WWOX: variants seen among roughly 807,000 people sequenced by gnomAD.
WWOX encodes the protein WW domain containing oxidoreductase, also known as WW domain-containing oxidoreductase.
In WWOX, 69 loss-of-function variants were observed where a neutral mutation model predicts 46.2. That is an observed-to-expected ratio of 1.49 (90% CI 1.23 to 1.82). The LOEUF (loss-of-function observed/expected upper bound fraction) is 1.82. Ranked by LOEUF, WWOX falls within the 40% of genes most tolerant of loss-of-function variation. The pLI is 0.00. For missense variants in WWOX, 919 were observed against 542.6 expected (o/e 1.69, Z -6.89); for synonymous variants, 359 against 202.6 (o/e 1.77, Z -6.56).
intron 8 of WWOX, among the ~76,000 whole-genome samples, chr16:79,135,292 T>A (rs2049961888): frequency 6.6e-6 from 1 of 152,216 alleles, no homozygotes; most frequent in Non-Finnish European, 1.5e-5. Flanking sequence ...TACATGTATG[T>A]CTTGATTTAT....
intron 5 of WWOX, among the ~76,000 whole-genome samples, chr16:78,183,930 C>T (rs1597322893): frequency 6.6e-6 from 1 of 152,206 alleles, no homozygotes; most frequent in East Asian, 1.9e-4. Flanking sequence ...AAAATTGAAT[C>T]ATTCTCTGTG....
rs567903947 is a variant in WWOX at position 78,176,850 on chromosome 16, C to G, written c.516+12561C>G. Among the ~76,000 whole-genome samples the G allele has an allele frequency of 4.4e-4, 67 of 152,116 alleles. 1 individual carries two copies. Among genetic ancestry groups the G allele is most frequent in the African/African-American group, 1.6e-3 (65 of 41,516 alleles). On this transcript the variant is annotated intron_variant, in intron 5 of 8. Coordinates refer to ENST00000566780, the MANE Select transcript of WWOX (RefSeq NM_016373.4). ...GGCAGGAAGGGTGCTATTTTTAAGG[C>G]AGGGAAGGATAGGATGCATTTGCAG...
chr16:78,606,096 A>G (rs1021173251), intron 8 of WWOX, among the ~76,000 whole-genome samples: 27 of 152,228 alleles, frequency 1.8e-4, no homozygotes, highest in Admixed American at 1.6e-3. Flanking sequence ...GTTTACGCTT[A>G]ACATTTATGG....
At chr16:78,790,488 G>A (rs948731950) in intron 8 of WWOX, among the ~76,000 whole-genome samples, 1 of 152,100 alleles carries the variant, frequency 6.6e-6, no homozygotes, top group African/African-American at 2.4e-5. Flanking sequence ...CTCTAGAAAA[G>A]TCAGAAGGTC....
intron 8 of WWOX, among the ~76,000 whole-genome samples, chr16:78,590,492 G>T (rs1473669314): frequency 6.6e-6 from 1 of 152,334 alleles, no homozygotes; most frequent in Non-Finnish European, 1.5e-5. Context: ...CCCAGTTGGG[G>T]AAGAGGGAAA....
intron 8 of WWOX, among the ~76,000 whole-genome samples, chr16:78,765,017 A>G (rs1305104433): frequency 6.6e-6 from 1 of 152,220 alleles, no homozygotes; most frequent in Non-Finnish European, 1.5e-5. Flanking sequence ...AAGGAACAGG[A>G]CAAGAACCCA....
intron 8 of WWOX, among the ~76,000 whole-genome samples, chr16:78,720,715 A>C (rs932273813): frequency 6.6e-6 from 1 of 152,038 alleles, no homozygotes; most frequent in Admixed American, 6.6e-5. Context: ...CGTGGTTTAC[A>C]CTATAAATTT....
intron 5 of WWOX, among the ~76,000 whole-genome samples, chr16:78,378,404 GA>G (rs2081879430): frequency 6.6e-6 from 1 of 152,122 alleles, no homozygotes; most frequent in Non-Finnish European, 1.5e-5. Context: ...GACTAAGAGA[GA>G]AAAGAATCAC....
intron 8 of WWOX, among the ~76,000 whole-genome samples, chr16:78,567,046 T>A (rs1023045937): frequency 6.6e-6 from 1 of 152,210 alleles, no homozygotes; most frequent in Admixed American, 6.5e-5. Context: ...ATTCATTATT[T>A]GTTAATCCCA....
intron 8 of WWOX, among the ~76,000 whole-genome samples, chr16:78,617,269 G>A (rs1039236994): frequency 2.0e-5 from 3 of 152,006 alleles, no homozygotes; most frequent in African/African-American, 7.3e-5. Flanking sequence ...GGGCGTGGTG[G>A]CGTGCACCTG....
chr16:78,317,865 C>G (rs1182398765), intron 5 of WWOX, among the ~76,000 whole-genome samples: 1 of 152,186 alleles, frequency 6.6e-6, no homozygotes, highest in Non-Finnish European at 1.5e-5. Flanking sequence ...TTCATTTTCA[C>G]TCCCCGTAAA....
chr16:79,002,766 A>C (rs1044698457), intron 8 of WWOX, among the ~76,000 whole-genome samples: 2 of 152,150 alleles, frequency 1.3e-5, no homozygotes, highest in African/African-American at 4.8e-5. Context: ...CCTGTCTATA[A>C]GGGGAAAAGA....
In WWOX at chr16:78,099,788, C is replaced by G. The variant is rs751733610; in HGVS notation, c.10C>G (p.Leu4Val). The change falls in exon 1 of 9, where the codon CTG becomes GTG. Residue 4 changes from leucine (L) to valine (V), a missense_variant. Transcript: ENST00000566780. MAA[L>V]RYAGLDDTDS... ...GCCTCCACAGTCAGCCATGGCAGCGCTGCGCTACGCGGGGCTGGACGACAC... is the reference window on the plus strand; with the variant it reads ...GCCTCCACAGTCAGCCATGGCAGCGGTGCGCTACGCGGGGCTGGACGACAC... 2.1e-5 allele frequency: 33 copies of G among 1,557,606 alleles called. No homozygotes were observed. Among genetic ancestry groups the G allele is most frequent in the Non-Finnish European group, 2.9e-5 (33 of 1,153,350 alleles).
At chr16:78,656,168 T>TTG (rs905723433) in intron 8 of WWOX, among the ~76,000 whole-genome samples, 85 of 152,016 alleles carry the variant, frequency 5.6e-4, no homozygotes, top group African/African-American at 1.9e-3. Context: ...CTCATAACAT[T>TTG]TGTGTGTGTG....
chr16:78,182,409 C>T (rs943067481), intron 5 of WWOX, among the ~76,000 whole-genome samples: 1 of 151,978 alleles, frequency 6.6e-6, no homozygotes. Context: ...CTAAACCTTC[C>T]TGTCTCTCTG....
intron 8 of WWOX, among the ~76,000 whole-genome samples, chr16:78,693,574 G>A (rs2048035969): frequency 6.6e-6 from 1 of 152,000 alleles, no homozygotes; most frequent in African/African-American, 2.4e-5. Context: ...TCAGGTGGGG[G>A]GCCCTCCTCT....
intron 8 of WWOX, among the ~76,000 whole-genome samples, chr16:79,015,089 A>G (rs1368132719): frequency 6.6e-6 from 1 of 152,036 alleles, no homozygotes; most frequent in African/African-American, 2.4e-5. Context: ...TCAAATTTGG[A>G]TGTGTCGGGG....
intron 8 of WWOX, among the ~76,000 whole-genome samples, chr16:78,833,944 C>G (rs1187089394): frequency 6.6e-6 from 1 of 152,214 alleles, no homozygotes; most frequent in South Asian, 2.1e-4. Flanking sequence ...GTGTCTTATT[C>G]TGTGTTGCAT....
intron 8 of WWOX, among the ~76,000 whole-genome samples, chr16:78,748,430 A>T (rs2049400362): frequency 1.3e-5 from 2 of 152,136 alleles, no homozygotes; most frequent in African/African-American, 4.8e-5. Flanking sequence ...AGCCCTGGGG[A>T]TACAGAGTTA....
Sources: gnomAD v4.1 joint callset for allele counts (sites outside exome capture counted in the v4.1 genomes callset) on GRCh38, gnomAD v4.1.1 for gene constraint, MANE v1.5 for transcripts, NCBI Gene and HGNC (gene_info 2026-07-23, HGNC 2026-07-21) for gene names.